SCP2: variants seen among roughly 807,000 people sequenced by gnomAD.
The protein encoded by SCP2 is SCP-2/3-oxoacyl-CoA thiolase.
A neutral mutation model predicts 71.4 loss-of-function variants in SCP2; 48 were observed. That is an observed-to-expected ratio of 0.67 (90% CI 0.53 to 0.86). The LOEUF (loss-of-function observed/expected upper bound fraction) is 0.86, where lower values mean the gene tolerates loss of function less well. SCP2 is among the 40% of genes least tolerant of loss of function. The pLI is 0.00. For synonymous variants in SCP2, 220 were observed against 218.1 expected (o/e 1.01, Z -0.08); for missense variants, 560 against 655.6 (o/e 0.85, Z 1.59).
At chr1:53,040,862 G>C (rs754745217) in intron 14 of SCP2, among the ~76,000 whole-genome samples, 1 of 152,032 alleles carries the variant, frequency 6.6e-6, no homozygotes, top group African/African-American at 2.4e-5. Context: ...CACTTGAATT[G>C]TAAGTTCCTT....
At chr1:52,977,533 G>A (rs1410513428) in intron 8 of SCP2, among the ~76,000 whole-genome samples, 1 of 152,226 alleles carries the variant, frequency 6.6e-6, no homozygotes, top group Non-Finnish European at 1.5e-5. Flanking sequence ...GAGTTATTTG[G>A]AGATAGCAAA....
In SCP2 at chr1:52,983,007, G is replaced by A. The variant is rs184437428; in HGVS notation, c.973+2464G>A. Among the ~76,000 whole-genome samples the A allele has an allele frequency of 4.4e-3, 667 of 152,162 alleles. 7 individuals carry two copies. The highest frequency in any genetic ancestry group is 0.015 in the African/African-American group (639 of 41,506). ...TCTTTAGCCTAAGGAACTTTTTGTA[G>A]CATTTTTTATAAAGCAGATCTTTTG... On this transcript the variant is annotated intron_variant, in intron 10 of 15. Transcript: ENST00000371514.
chr1:53,027,271 T>C (rs756362918), intron 12 of SCP2, among the ~76,000 whole-genome samples: 14 of 152,112 alleles, frequency 9.2e-5, no homozygotes, highest in Non-Finnish European at 1.8e-4. Context: ...CCCAGGCTGG[T>C]CTCGAACTCC....
intron 6 of SCP2, among the ~76,000 whole-genome samples, chr1:52,965,656 A>G (rs1281986586): frequency 2.0e-5 from 3 of 151,900 alleles, no homozygotes; most frequent in East Asian, 1.9e-4. Flanking sequence ...TCCCCCCAAC[A>G]TGGAGTCTTG....
intron 11 of SCP2, chr1:52,995,328 G>T: frequency 2.1e-6 from 1 of 477,806 alleles, no homozygotes; most frequent in Non-Finnish European, 4.2e-6. Context: ...TTGACAATGA[G>T]GCCCTCTATG....
chr1:53,041,142 G>A (rs72903200), intron 14 of SCP2, among the ~76,000 whole-genome samples: 14,956 of 152,086 alleles, frequency 0.098, 1,450 homozygotes, highest in African/African-American at 0.22. Flanking sequence ...GGTGGCTCAC[G>A]CCTGTAATCC....
Position 52,976,701 on chromosome 1 carries a change from T to C in SCP2, c.606T>C (p.Asp202=). 2 of 1,553,420 alleles carry C rather than the reference T, an allele frequency of 1.3e-6. No homozygotes were observed. The highest frequency in any genetic ancestry group is 1.8e-6 in the Non-Finnish European group (2 of 1,125,292). Residue 202 remains aspartate, a synonymous_variant, in exon 8 of 16, where the codon GAT becomes GAC. Transcript: ENST00000371514. The stretch of plus-strand genomic sequence containing the variant: ...TATTTAGGTATTCCCAGTTCCAAGA[T>C]GAATACAGTTTAGATGAAGTGATGG... ...SVNNPYSQFQ[D]EYSLDEVMAS...
intron 12 of SCP2, among the ~76,000 whole-genome samples, chr1:53,020,955 G>C (rs1174237655): frequency 3.3e-5 from 5 of 152,084 alleles, no homozygotes; most frequent in Non-Finnish European, 7.3e-5. Flanking sequence ...TAGGGATGAA[G>C]GTTTGATTAC....
intron 1 of SCP2, among the ~76,000 whole-genome samples, chr1:52,932,654 T>G (rs924059747): frequency 2.0e-5 from 3 of 152,184 alleles, no homozygotes; most frequent in African/African-American, 7.2e-5. Flanking sequence ...TTTGACCATG[T>G]GGACTATGGT....
chr1:53,027,653 C>T (rs1469856295), intron 12 of SCP2, among the ~76,000 whole-genome samples: 1 of 152,084 alleles, frequency 6.6e-6, no homozygotes, highest in East Asian at 1.9e-4. Flanking sequence ...TACAGGCATG[C>T]GCCATCATGC....
chr1:53,025,670 A>G (rs984389831), intron 12 of SCP2, among the ~76,000 whole-genome samples: 3 of 151,940 alleles, frequency 2.0e-5, no homozygotes, highest in East Asian at 3.9e-4. Flanking sequence ...CCCACTCTCT[A>G]TCTACTGGCA....
At chr1:53,037,875 TACATAC>T (rs1198882153) in intron 13 of SCP2, among the ~76,000 whole-genome samples, 3 of 96,506 alleles carry the variant, frequency 3.1e-5, no homozygotes, top group African/African-American at 4.7e-5. Flanking sequence ...ATCCTGTCTC[TACATAC>T]ACACACACAC....
intron 6 of SCP2, among the ~76,000 whole-genome samples, chr1:52,965,823 T>A (rs1300707050): frequency 1.3e-5 from 2 of 151,846 alleles, no homozygotes; most frequent in Non-Finnish European, 2.9e-5. Flanking sequence ...TTTTTTTTTT[T>A]TTATTAGAGA....
intron 14 of SCP2, among the ~76,000 whole-genome samples, chr1:53,041,636 A>G (rs182461824): frequency 1.3e-5 from 2 of 152,244 alleles, no homozygotes; most frequent in African/African-American, 4.8e-5. Flanking sequence ...GTGAGCGGAG[A>G]GGATGACCAG....
chr1:52,950,185 G>A (rs144512957), intron 3 of SCP2, among the ~76,000 whole-genome samples: 3,840 of 152,028 alleles, frequency 0.025, 166 homozygotes, highest in African/African-American at 0.088. Context: ...GCAGTGGTGC[G>A]ATCTAGGCTC....
intron 13 of SCP2, among the ~76,000 whole-genome samples, chr1:53,037,336 T>G (rs1426785538): frequency 6.6e-6 from 1 of 152,184 alleles, no homozygotes; most frequent in Non-Finnish European, 1.5e-5. Flanking sequence ...CCCTGCCAGC[T>G]GGCTTAGCTG....
intron 4 of SCP2, among the ~76,000 whole-genome samples, chr1:52,953,070 T>A (rs1296373593): frequency 2.0e-5 from 3 of 150,890 alleles, no homozygotes; most frequent in Non-Finnish European, 4.4e-5. Flanking sequence ...CTTTTTTTTT[T>A]TTTTTTTTTA....
chr1:53,012,922 G>C (rs1661074391), intron 11 of SCP2, among the ~76,000 whole-genome samples: 1 of 152,106 alleles, frequency 6.6e-6, no homozygotes, highest in South Asian at 2.1e-4. Flanking sequence ...AACTAGCAGC[G>C]TATCTAAGAC....
chr1:52,940,446 A>T (rs1654123501), intron 1 of SCP2: 1 of 154,798 alleles, frequency 6.5e-6, no homozygotes, highest in South Asian at 2.0e-4. Context: ...TGTCTTCAGG[A>T]TAAAGCCCAG....
Sources: allele counts gnomAD v4.1 joint callset (sites outside exome capture counted in the v4.1 genomes callset), GRCh38; gene constraint gnomAD v4.1.1; transcripts MANE v1.5; gene names NCBI Gene and HGNC (gene_info 2026-07-23, HGNC 2026-07-21).